Variants in ZFP64 observed in about 807,000 individuals in gnomAD.
The protein encoded by ZFP64 is ZFP64 zinc finger protein.
Under a neutral mutation model 51.6 loss-of-function variants are expected in ZFP64, and 14 were observed. The observed-to-expected ratio is 0.27, with a 90% CI of 0.18 to 0.42. ZFP64 has a LOEUF of 0.42. ZFP64 is among the 10% of genes least tolerant of loss of function. The pLI is 1.00. For missense variants in ZFP64, 754 were observed against 906.8 expected, an observed-to-expected ratio of 0.83 and a Z score of 2.16; for synonymous variants, 375 against 361.4, an observed-to-expected ratio of 1.04 and a Z score of -0.43.
intron 2 of ZFP64, among the ~76,000 whole-genome samples, chr20:52,184,632 T>C (rs1029703159): frequency 2.6e-5 from 4 of 152,126 alleles, no homozygotes; most frequent in Non-Finnish European, 5.9e-5. Flanking sequence ...ATCCCTCTTT[T>C]TTATTTTATT....
chr20:52,097,904 A>G (rs1034461660), intron 6 of ZFP64, among the ~76,000 whole-genome samples: 2 of 25,694 alleles, frequency 7.8e-5, no homozygotes, highest in African/African-American at 9.3e-4. Context: ...CCCGCCCCCT[A>G]TTTAAAAAAA....
chr20:52,108,046 CA>C (rs1443649204), intron 5 of ZFP64, among the ~76,000 whole-genome samples: 1 of 152,080 alleles, frequency 6.6e-6, no homozygotes, highest in Non-Finnish European at 1.5e-5. Flanking sequence ...GGCGACATGG[CA>C]AAACTCTGTT....
exon 9 of ZFP64, chr20:52,084,829 C>T (rs1229698355): frequency 3.1e-6 from 5 of 1,613,966 alleles, no homozygotes; most frequent in Non-Finnish European, 4.2e-6. Context: ...CCCAGAGGGG[C>T]CCGGTTCTCC....
chr20:52,169,342 G>T (rs886174894), intron 2 of ZFP64, among the ~76,000 whole-genome samples: 1 of 152,160 alleles, frequency 6.6e-6, no homozygotes. Flanking sequence ...AGTTTCTCAA[G>T]AATTTTGGTG....
chr20:52,120,667 C>CTTTTTTTT (rs11469627), intron 5 of ZFP64, among the ~76,000 whole-genome samples: 2 of 57,436 alleles, frequency 3.5e-5, no homozygotes, highest in Non-Finnish European at 3.0e-5. Context: ...GATCAGTGAT[C>CTTTTTTTT]TTTTTTTTTT....
chr20:52,124,665 A>G (rs1305559074), intron 5 of ZFP64, among the ~76,000 whole-genome samples: 1 of 151,980 alleles, frequency 6.6e-6, no homozygotes, highest in African/African-American at 2.4e-5. Context: ...CCTGGAGTAC[A>G]GTGGTGCAAT....
chr20:52,143,924 G>A (rs545404392), intron 5 of ZFP64, among the ~76,000 whole-genome samples: 2 of 143,026 alleles, frequency 1.4e-5, no homozygotes, highest in African/African-American at 5.0e-5. Context: ...AACAGATTTC[G>A]TTTGATGGAA....
At chr20:52,084,020 T>G (rs973445198) in exon 9 of ZFP64, 4 of 152,390 alleles carry the variant, frequency 2.6e-5, no homozygotes, top group African/African-American at 4.8e-5. Context: ...CTACCATGAG[T>G]CTGCCTTTTT....
At chr20:52,120,462 G>A (rs1424170625) in intron 5 of ZFP64, among the ~76,000 whole-genome samples, 3 of 152,058 alleles carry the variant, frequency 2.0e-5, no homozygotes, top group Admixed American at 6.6e-5. Flanking sequence ...GTGCGTATAC[G>A]CCACTTTATC....
intron 5 of ZFP64, among the ~76,000 whole-genome samples, chr20:52,128,920 C>CT (rs11471868): frequency 0.2 from 30,076 of 151,696 alleles, 3,245 homozygotes; most frequent in Admixed American, 0.26. Flanking sequence ...TTTAAATTTT[C>CT]TTTCTTTTTC....
chr20:52,097,487 C>A, intron 6 of ZFP64: 1 of 1,534,068 alleles, frequency 6.5e-7, no homozygotes, highest in Non-Finnish European at 8.8e-7. Flanking sequence ...CAGAGTTTTG[C>A]TCTGTCGCCC....
downstream of ZFP64, among the ~76,000 whole-genome samples, chr20:52,150,068 G>C (rs1488486563): frequency 6.6e-6 from 1 of 151,976 alleles, no homozygotes; most frequent in Non-Finnish European, 1.5e-5. Context: ...AGCCGGACTT[G>C]GTTGCGGGTG....
At chr20:52,093,965 T>A (rs978912764) in intron 7 of ZFP64, among the ~76,000 whole-genome samples, 5 of 152,218 alleles carry the variant, frequency 3.3e-5, no homozygotes, top group East Asian at 1.9e-4. Context: ...ATGATTTTTT[T>A]AAATGTGATA....
chr20:52,152,518 C>A lies in ZFP64; in HGVS notation c.1674G>T (p.Pro558=). The A allele has an allele frequency of 6.2e-7, 1 of 1,601,974 alleles. No individual in the cohort carries two copies. The highest frequency in any genetic ancestry group is 8.5e-7 in the Non-Finnish European group (1 of 1,175,182). The change falls in exon 6 of 6, where the codon CCG becomes CCT. Residue 558 remains proline (P), a synonymous_variant. Transcript: ENST00000216923. ...GCTGGGTCATTGCGCCCGCCTCGCT[C>A]GGACACCGCGAGGACTGAGGGGGGG... ...LIAPPQSSRC[P]SEAGAMTQPA...
At chr20:52,098,441 G>A (rs373377598) in exon 6 of ZFP64, 1 of 1,613,950 alleles carries the variant, frequency 6.2e-7, no homozygotes, top group Non-Finnish European at 8.5e-7. Context: ...CTCTTACCTG[G>A]GTAGCAACAG....
At chr20:52,090,927 C>CAAAAAAA (rs797006213) in intron 7 of ZFP64, among the ~76,000 whole-genome samples, 2 of 68,080 alleles carry the variant, frequency 2.9e-5, no homozygotes, top group Non-Finnish European at 5.5e-5. Context: ...CTGACTCTAC[C>CAAAAAAA]AAAAAAAAAA....
intron 5 of ZFP64, among the ~76,000 whole-genome samples, chr20:52,101,980 C>T (rs1357874726): frequency 6.8e-6 from 1 of 147,842 alleles, no homozygotes; most frequent in African/African-American, 2.5e-5. Flanking sequence ...GGTGTGGTGG[C>T]ATGTGCCTGT....
At chr20:52,110,871 C>A (rs1978524844) in intron 5 of ZFP64, 1 of 1,610,208 alleles carries the variant, frequency 6.2e-7, no homozygotes, top group Non-Finnish European at 8.5e-7. Context: ...CCTCTGCCAC[C>A]AAGAGATCAT....
At chr20:52,148,764 C>G (rs1280660732), downstream of ZFP64, among the ~76,000 whole-genome samples, 2 of 150,550 alleles carry the variant, frequency 1.3e-5, no homozygotes, top group Non-Finnish European at 3.0e-5. Context: ...AACAAATAAG[C>G]AAGCAGTAAA....
Sources: gnomAD v4.1 joint callset for allele counts (sites outside exome capture counted in the v4.1 genomes callset) on GRCh38, gnomAD v4.1.1 for gene constraint, MANE v1.5 for transcripts, NCBI Gene and HGNC (gene_info 2026-07-23, HGNC 2026-07-21) for gene names.